Variants in CCDC88A observed in about 807,000 individuals in gnomAD.
CCDC88A encodes coiled-coil and HOOK domain protein 88A.
In CCDC88A, 54 loss-of-function variants were observed where a neutral mutation model predicts 234.3. That is an observed-to-expected ratio of 0.23 (90% CI 0.19 to 0.29). The LOEUF (loss-of-function observed/expected upper bound fraction) is 0.29, where lower values mean the gene tolerates loss of function less well. CCDC88A is among the 10% of genes least tolerant of loss of function. The pLI is 1.00. For missense variants in CCDC88A, 1,832 were observed against 2,123.4 expected (o/e 0.86, Z 2.70); for synonymous variants, 753 against 737.8 (o/e 1.02, Z -0.33).
At chr2:55,406,379 A>T (rs901228382) in intron 2 of CCDC88A, among the ~76,000 whole-genome samples, 3 of 152,166 alleles carry the variant, frequency 2.0e-5, no homozygotes, top group Admixed American at 2.0e-4. Flanking sequence ...CTTGGTAAAA[A>T]TAGATTGGGG....
intron 11 of CCDC88A, 65 bp from the exon 12 acceptor site, chr2:55,343,857 CTTTA>C (rs879235231): frequency 1.6e-6 from 2 of 1,273,430 alleles, no homozygotes; most frequent in Non-Finnish European, 2.1e-6. Context: ...TGAGCAAATA[CTTTA>C]TTTCTCACAA....
In CCDC88A at chr2:55,334,788, GT is replaced by G; in HGVS notation, c.2032del (p.Thr678HisfsTer8). ...GGTCAGATTTTTAAAGCTATCCAATGTTTTTTTTAATTTTCTATTTTCTCTT... is the reference window on the plus strand; with the variant it reads ...GGTCAGATTTTTAAAGCTATCCAATGTTTTTTTAATTTTCTATTTTCTCTT... ...LERENRKLKK[T>X]LDSFKNLTFQ... On this transcript the variant is annotated frameshift_variant, in exon 15 of 33. Coordinates refer to ENST00000436346, the MANE Select transcript of CCDC88A (RefSeq NM_001365480.1). LOFTEE classifies it high-confidence loss of function. The surrounding 1 kb of genome is among the most constrained non-coding windows in gnomAD (Gnocchi z 6.1). 2.5e-6 allele frequency: 4 copies of G among 1,587,092 alleles called. No homozygotes were observed. Among genetic ancestry groups the G allele is most frequent in the South Asian group, 1.2e-5 (1 of 85,552 alleles).
intron 7 of CCDC88A, among the ~76,000 whole-genome samples, chr2:55,360,840 C>A (rs563444254): frequency 6.6e-6 from 1 of 152,306 alleles, no homozygotes; most frequent in African/African-American, 2.4e-5. Flanking sequence ...GTATTCCCAG[C>A]ACTTTGGAAG....
chr2:55,360,205 TAAG>T (rs1390079543), intron 7 of CCDC88A, among the ~76,000 whole-genome samples: 2 of 152,194 alleles, frequency 1.3e-5, no homozygotes, highest in African/African-American at 4.8e-5. Context: ...TCTATAGCAT[TAAG>T]AATACGAAAG....
intron 9 of CCDC88A, among the ~76,000 whole-genome samples, chr2:55,347,823 G>A (rs1184113641): frequency 6.6e-6 from 1 of 151,814 alleles, no homozygotes; most frequent in African/African-American, 2.4e-5. Context: ...TGTTGCCCAG[G>A]CTGGTCTTCA....
At chr2:55,418,952 C>A in intron 1 of CCDC88A, 36 bp from the exon 2 acceptor site, 3 of 1,595,916 alleles carry the variant, frequency 1.9e-6, no homozygotes, top group Non-Finnish European at 2.6e-6. Flanking sequence ...GACATGAACG[C>A]CCACCTCCAT....
rs138019852 is a variant in CCDC88A, at chr2:55,372,323, T to C, written c.402+129A>G. On this transcript the variant is annotated intron_variant, in intron 5 of 32. Coordinates refer to ENST00000436346, the MANE Select transcript of CCDC88A (RefSeq NM_001365480.1). ...TAATCTCCTTAGGAGGTTATACAGT[T>C]ATTGAAAATTTTCTAACATGGACTT... is the stretch of plus-strand genomic sequence containing the variant. The C allele has an allele frequency of 6.7e-5, 36 of 536,786 alleles. No individual in the cohort carries two copies. In the East Asian group the frequency reaches 1.0e-3, roughly 15 times the overall value. 33.3% of individuals were successfully genotyped at this position (536,786 alleles called of 1,614,324 possible). A position where few individuals can be genotyped will look rare whatever the true frequency, so the allele number is the denominator to read the frequency against.
At chr2:55,320,553 C>A (rs1404622272) in intron 18 of CCDC88A, among the ~76,000 whole-genome samples, 2 of 152,010 alleles carry the variant, frequency 1.3e-5, no homozygotes, top group Non-Finnish European at 2.9e-5. Flanking sequence ...AAAAGATTCA[C>A]CTTACAGAAC....
chr2:55,351,573 T>G (rs988516449), intron 8 of CCDC88A, among the ~76,000 whole-genome samples: 1 of 152,226 alleles, frequency 6.6e-6, no homozygotes, highest in Admixed American at 6.5e-5. Flanking sequence ...CTCAAACTCC[T>G]GAGCTCAAGC....
chr2:55,345,931 G>C (rs1448960225), intron 10 of CCDC88A: 1 of 320,634 alleles, frequency 3.1e-6, no homozygotes, highest in Non-Finnish European at 5.6e-6. Flanking sequence ...CTCTATATAT[G>C]ATGCTAAGAA....
rs1226353432 is a variant in CCDC88A, at chr2:55,384,489, TTTAA to T, written c.273+4285_273+4288del. Among the ~76,000 whole-genome samples, 15 of 129,862 alleles carry T rather than the reference TTTAA, an allele frequency of 1.2e-4. No homozygotes were observed. The South Asian group carries it at 3.5e-3, about 30-fold the overall frequency. The allele number at this position is 129,862 out of a possible 152,430, so 85.2% of individuals were successfully genotyped here. On this transcript the variant is annotated intron_variant, in intron 3 of 32. Coordinates refer to ENST00000436346, the MANE Select transcript of CCDC88A (RefSeq NM_001365480.1). ...TTAAATATACATATTTAATTATATA[TTTAA>T]TTATATATTGAATATTATATATAAA...
At chr2:55,401,667 T>C (rs1325850399) in intron 2 of CCDC88A, among the ~76,000 whole-genome samples, 1 of 151,306 alleles carries the variant, frequency 6.6e-6, no homozygotes, top group Non-Finnish European at 1.5e-5. Flanking sequence ...ATTAACTATC[T>C]TGAACTTCAC....
At chr2:55,411,520 T>G (rs145011644) in intron 2 of CCDC88A, among the ~76,000 whole-genome samples, 46 of 151,656 alleles carry the variant, frequency 3.0e-4, no homozygotes, top group African/African-American at 9.9e-4. Flanking sequence ...ATGCCTGTAA[T>G]CCCAGCATGA....
chr2:55,381,127 T>C (rs1324826441), intron 3 of CCDC88A, among the ~76,000 whole-genome samples: 1 of 144,734 alleles, frequency 6.9e-6, no homozygotes, highest in African/African-American at 2.6e-5. Context: ...AGTAACATGC[T>C]ATACAGGTTT....
Position 55,288,020 on chromosome 2 carries a change from TAA to T in CCDC88A, c.*3178_*3179del, listed in dbSNP as rs1259319768. ...ACTGACATCAGGTATTGCCAAGTAA[TAA>T]ACATTTTGCCATTCAACTCTAAATC... On this transcript the variant is annotated 3_prime_UTR_variant, in exon 33 of 33. Coordinates refer to ENST00000436346, the MANE Select transcript of CCDC88A (RefSeq NM_001365480.1). 1.3e-5 allele frequency: 2 copies of T among 152,734 alleles called. No individual in the cohort carries two copies. The highest frequency in any genetic ancestry group is 4.8e-5 in the African/African-American group (2 of 41,570). 9.5% of individuals were successfully genotyped at this position (152,734 alleles called of 1,614,324 possible).
chr2:55,366,534 TAC>T (rs201666406), intron 5 of CCDC88A, among the ~76,000 whole-genome samples: 13,151 of 127,354 alleles, frequency 0.1, 623 homozygotes, highest in Middle Eastern at 0.17. Flanking sequence ...CACACACACA[TAC>T]ACACACACAC....
At chr2:55,398,346 A>T (rs1677979668) in intron 2 of CCDC88A, among the ~76,000 whole-genome samples, 1 of 152,176 alleles carries the variant, frequency 6.6e-6, no homozygotes, top group African/African-American at 2.4e-5. Flanking sequence ...AAAAGTTCCT[A>T]TTTCTTTATA....
chr2:55,394,748 T>G (rs576754881), intron 2 of CCDC88A: 1 of 151,674 alleles, frequency 6.6e-6, no homozygotes, highest in South Asian at 2.1e-4. Context: ...ACATGGCACA[T>G]GTATACATAT....
intron 3 of CCDC88A, among the ~76,000 whole-genome samples, chr2:55,383,085 A>C (rs1055745770): frequency 4.6e-5 from 7 of 151,824 alleles, no homozygotes; most frequent in South Asian, 2.1e-4. Context: ...AAAAAAAAAA[A>C]AACAAAAGAG....
Sources: allele counts gnomAD v4.1 joint callset (sites outside exome capture counted in the v4.1 genomes callset), GRCh38; gene constraint gnomAD v4.1.1; non-coding constraint Gnocchi (gnomAD v3.1); transcripts MANE v1.5; gene names NCBI Gene and HGNC (gene_info 2026-07-23, HGNC 2026-07-21).